RGS9: variants seen among roughly 807,000 people sequenced by gnomAD.
RGS9 encodes regulator of G-protein signalling 9.
In RGS9, 78 loss-of-function variants were observed where a neutral mutation model predicts 102.0. That is an observed-to-expected ratio of 0.76 (90% confidence interval 0.64 to 0.92). The LOEUF is 0.92. Among genes scored for constraint, RGS9 ranks in the 40% least tolerant of loss-of-function variants. RGS9 has a pLI of 0.00. For synonymous variants in RGS9, 353 were observed against 318.6 expected (o/e 1.11, Z -1.15); for missense variants, 833 against 866.1 (o/e 0.96, Z 0.48).
intron 9 of RGS9, among the ~76,000 whole-genome samples, chr17:65,184,418 C>T (rs1222689109): frequency 1.3e-5 from 2 of 152,200 alleles, no homozygotes; most frequent in East Asian, 1.9e-4. Context: ...TTGTGCCGCT[C>T]ACGTGCTCAG....
intron 8 of RGS9, among the ~76,000 whole-genome samples, chr17:65,170,483 C>T (rs910792799): frequency 6.6e-6 from 1 of 152,196 alleles, no homozygotes; most frequent in Non-Finnish European, 1.5e-5. Context: ...CTAGTTAGTG[C>T]CAGAGGGTCT....
At chr17:65,155,004 C>T (rs1302528278) in intron 2 of RGS9, among the ~76,000 whole-genome samples, 2 of 152,232 alleles carry the variant, frequency 1.3e-5, no homozygotes, top group Admixed American at 6.5e-5. Context: ...AGCAATGTGT[C>T]ACTCAGGTTT....
intron 1 of RGS9, among the ~76,000 whole-genome samples, chr17:65,150,936 C>T (rs75972211): frequency 0.013 from 2,029 of 152,250 alleles, 51 homozygotes; most frequent in African/African-American, 0.046. Context: ...AGTTTGAAAC[C>T]TCTGCACATG....
At chr17:65,218,460 T>G (rs1913591600) in intron 17 of RGS9, among the ~76,000 whole-genome samples, 1 of 152,214 alleles carries the variant, frequency 6.6e-6, no homozygotes, top group African/African-American at 2.4e-5. Context: ...TGAGAACAGC[T>G]TTTTTTCTGA....
intron 15 of RGS9, among the ~76,000 whole-genome samples, chr17:65,207,091 C>T (rs972446851): frequency 6.6e-6 from 1 of 152,178 alleles, no homozygotes; most frequent in Admixed American, 6.5e-5. Context: ...CCCAGAGTCC[C>T]AGTAAACAGC....
At chr17:65,176,710 ACCATCCAT>A (rs3034105) in intron 8 of RGS9, among the ~76,000 whole-genome samples, 1,775 of 147,242 alleles carry the variant, frequency 0.012, 29 homozygotes, top group African/African-American at 0.041. Flanking sequence ...TACTCACTCA[ACCATCCAT>A]CCATCCATCC....
intron 6 of RGS9, among the ~76,000 whole-genome samples, chr17:65,162,793 C>T (rs1401061453): frequency 6.6e-6 from 1 of 152,078 alleles, no homozygotes; most frequent in Non-Finnish European, 1.5e-5. Flanking sequence ...TTTACAAAAG[C>T]AAAGAAAACC....
intron 17 of RGS9, among the ~76,000 whole-genome samples, chr17:65,223,946 G>A (rs1338364056): frequency 6.6e-6 from 1 of 151,472 alleles, no homozygotes. Flanking sequence ...TAGTAGAGAT[G>A]GGGTTTCTTC....
intron 6 of RGS9, among the ~76,000 whole-genome samples, chr17:65,162,628 A>T (rs908310959): frequency 6.8e-6 from 1 of 147,564 alleles, no homozygotes; most frequent in African/African-American, 2.5e-5. Context: ...ACGCCTGGCT[A>T]ATTTTTTGTA....
chr17:65,157,919 A>ATGTGTG (rs149306337), intron 2 of RGS9, among the ~76,000 whole-genome samples: 1 of 150,682 alleles, frequency 6.6e-6, no homozygotes, highest in Non-Finnish European at 1.5e-5. Context: ...GTGTGTGTGT[A>ATGTGTG]TGTGTGTGTG....
At chr17:65,172,879 G>T (rs896425350) in intron 8 of RGS9, among the ~76,000 whole-genome samples, 10 of 152,078 alleles carry the variant, frequency 6.6e-5, no homozygotes, top group African/African-American at 2.4e-4. Context: ...ACATAAAATT[G>T]TCTCCCTGTT....
chr17:65,160,818 G>A (rs775071771), intron 5 of RGS9, 33 bp from the exon 6 acceptor site: 13 of 1,608,424 alleles, frequency 8.1e-6, no homozygotes, highest in Non-Finnish European at 1.1e-5. Context: ...TTTGAAAGAT[G>A]ATGATGGAAA....
chr17:65,174,155 A>G (rs531474256), intron 8 of RGS9, among the ~76,000 whole-genome samples: 24 of 152,334 alleles, frequency 1.6e-4, no homozygotes, highest in African/African-American at 5.5e-4. Context: ...AGCTGAGGGC[A>G]TAGAGGACTC....
At chr17:65,176,573 A>G (rs1466868942) in intron 8 of RGS9, among the ~76,000 whole-genome samples, 3 of 152,226 alleles carry the variant, frequency 2.0e-5, no homozygotes, top group Non-Finnish European at 4.4e-5. Context: ...CAAGCCCAAG[A>G]TGAAACCACA....
rs183460793 is a variant in RGS9, at chr17:65,140,482, A to G, written c.57+2885A>G. Among the ~76,000 whole-genome samples, 5 of 152,332 alleles carry G rather than the reference A, an allele frequency of 3.3e-5. No homozygotes were observed. In the East Asian group the frequency reaches 9.6e-4, roughly 29 times the overall value. ...GGAAAGGCAGAGGTAGTGGGTGCCT[A>G]TGGGCCTTCAAGACCTTTTAAAGGT... On this transcript the variant is annotated intron_variant, in intron 1 of 18. Transcript: ENST00000262406.
At chr17:65,143,496 C>T (rs979437474) in intron 1 of RGS9, among the ~76,000 whole-genome samples, 5 of 152,104 alleles carry the variant, frequency 3.3e-5, no homozygotes, top group African/African-American at 4.8e-5. Context: ...TAAAAATTAG[C>T]TGGGGGCCAG....
chr17:65,221,679 C>A (rs777053752), intron 17 of RGS9, among the ~76,000 whole-genome samples: 2 of 152,200 alleles, frequency 1.3e-5, no homozygotes, highest in Non-Finnish European at 2.9e-5. Flanking sequence ...AACTTATCAA[C>A]AACAAACACT....
rs939366509 is a variant in RGS9 at position 65,163,109 on chromosome 17, G to A, written c.500+20G>A. 1.8e-5 allele frequency: 24 copies of A among 1,365,362 alleles called. No homozygotes were observed. The highest frequency in any genetic ancestry group is 2.4e-5 in the Non-Finnish European group (23 of 958,070). The allele number at this position is 1,365,362 out of a possible 1,614,324, so 84.6% of individuals were successfully genotyped here. A position where few individuals can be genotyped will look rare whatever the true frequency, so the allele number is the denominator to read the frequency against. On this transcript the variant is annotated intron_variant, in intron 7 of 18. Coordinates refer to ENST00000262406, the MANE Select transcript of RGS9 (RefSeq NM_003835.4). ...GTACAGGTGAGTGAAAGGAGACCAT[G>A]CTTGTCCTCTCGGTGTCTTTCCTCC...
At chr17:65,225,510 CG>C (rs773328732) in intron 18 of RGS9, 24 bp downstream of exon 18, 39 of 1,599,430 alleles carry the variant, frequency 2.4e-5, no homozygotes, top group South Asian at 5.5e-5. Flanking sequence ...GGGGACGTGC[CG>C]TATGCATGGG....
Sources: gnomAD v4.1 joint callset for allele counts (sites outside exome capture counted in the v4.1 genomes callset) on GRCh38, gnomAD v4.1.1 for gene constraint, MANE v1.5 for transcripts, NCBI Gene and HGNC (gene_info 2026-07-23, HGNC 2026-07-21) for gene names.